The following XRCC4 variants were observed in gnomAD, a reference collection of about 807,000 sequenced individuals.
XRCC4 encodes DNA repair protein XRCC4.
In XRCC4, 28 loss-of-function variants were observed where a neutral mutation model predicts 39.1. The observed-to-expected ratio is 0.72, with a 90% CI of 0.53 to 0.98. The LOEUF (loss-of-function observed/expected upper bound fraction) is 0.98. Among genes scored for constraint, XRCC4 ranks in the 50% least tolerant of loss-of-function variants. The pLI, the probability that XRCC4 is intolerant of heterozygous loss-of-function variation, is 0.00. For synonymous variants in XRCC4, 123 were observed against 126.4 expected, an observed-to-expected ratio of 0.97 and a Z score of 0.18; for missense variants, 350 against 376.4, an observed-to-expected ratio of 0.93 and a Z score of 0.58.
At chr5:83,291,635 C>G (rs985479027) in intron 7 of XRCC4, among the ~76,000 whole-genome samples, 3 of 151,752 alleles carry the variant, frequency 2.0e-5, no homozygotes, top group Non-Finnish European at 4.4e-5. Flanking sequence ...TATGTGTGCT[C>G]TACTTCTTTA....
intron 3 of XRCC4, among the ~76,000 whole-genome samples, chr5:83,151,562 G>A (rs1748704506): frequency 6.6e-6 from 1 of 152,024 alleles, no homozygotes; most frequent in African/African-American, 2.4e-5. Flanking sequence ...TGATGGAAGT[G>A]GTTTTAGTTT....
At chr5:83,084,685 A>G (rs1745102817) in intron 1 of XRCC4, among the ~76,000 whole-genome samples, 1 of 152,064 alleles carries the variant, frequency 6.6e-6, no homozygotes, top group African/African-American at 2.4e-5. Context: ...TTTAATTATG[A>G]TTAGTTTGTT....
Position 83,120,315 on chromosome 5 carries a change from A to T in XRCC4, c.315+9112A>T, listed in dbSNP as rs550262311. Among the ~76,000 whole-genome samples the T allele has an allele frequency of 1.2e-4, 19 of 152,040 alleles. No homozygotes were observed. The South Asian group carries it at 2.9e-3, about 23-fold the overall frequency. ...ATGAATACCAAATCAGTTTTTTTTTAAATTTGTTTAGGGATAATTTACAAA... is the reference window on the plus strand; with the variant it reads ...ATGAATACCAAATCAGTTTTTTTTTTAATTTGTTTAGGGATAATTTACAAA... On this transcript the variant is annotated intron_variant, in intron 3 of 7. Transcript: ENST00000396027.
Position 83,258,680 on chromosome 5 carries a change from A to G in XRCC4, c.893+3A>G. 6.2e-7 allele frequency: 1 copy of G among 1,609,928 alleles called. No individual in the cohort carries two copies. Among genetic ancestry groups the G allele is most frequent in the East Asian group, 2.2e-5 (1 of 44,576 alleles). On this transcript the variant is annotated splice_donor_region_variant and intron_variant, in intron 7 of 7. Transcript: ENST00000396027. Reference sequence around the variant, plus strand: ...AATCAGCTTCAAGAAAAGGAAAAGTAAGTCATTTTATTCTTTGCCAAGAAG... The same window carrying G: ...AATCAGCTTCAAGAAAAGGAAAAGTGAGTCATTTTATTCTTTGCCAAGAAG...
chr5:83,228,348 T>G (rs1421597770), intron 6 of XRCC4, among the ~76,000 whole-genome samples: 1 of 151,990 alleles, frequency 6.6e-6, no homozygotes, highest in Non-Finnish European at 1.5e-5. Flanking sequence ...GCATCTAGAT[T>G]ATGAATTACT....
chr5:83,222,524 G>A lies in XRCC4; in HGVS notation c.745+17603G>A, dbSNP rs28360182. Among the ~76,000 whole-genome samples the A allele has an allele frequency of 4.5e-3, 684 of 151,988 alleles. 2 individuals carry two copies. The highest frequency in any genetic ancestry group is 0.016 in the African/African-American group (653 of 41,458). The stretch of plus-strand genomic sequence containing the variant: ...GCATTATCCCTTTTTGTTCATATGT[G>A]TTTTTATGTGGAATTCTTTTTCATC... On this transcript the variant is annotated intron_variant, in intron 6 of 7. Coordinates refer to ENST00000396027, the MANE Select transcript of XRCC4 (RefSeq NM_003401.5).
chr5:83,258,746 A>T lies in XRCC4; in HGVS notation c.893+69A>T, dbSNP rs56019903. Reference sequence around the variant, plus strand: ...GAAAATCTAGCATATGATCTTAAAAATTATGTTTTCATTTTGAACGTTTTT... The same window carrying T: ...GAAAATCTAGCATATGATCTTAAAATTTATGTTTTCATTTTGAACGTTTTT... On this transcript the variant is annotated intron_variant, in intron 7 of 7. Coordinates refer to ENST00000396027, the MANE Select transcript of XRCC4 (RefSeq NM_003401.5). 1,584 of 1,516,670 alleles carry T rather than the reference A, an allele frequency of 1.0e-3. 23 individuals carry two copies. The African/African-American group carries it at 0.02, about 20-fold the overall frequency. The allele number at this position is 1,516,670 out of a possible 1,614,324, so 94.0% of individuals were successfully genotyped here. A position where few individuals can be genotyped will look rare whatever the true frequency, so the allele number is the denominator to read the frequency against.
chr5:83,103,871 A>G (rs1746071373), intron 1 of XRCC4, among the ~76,000 whole-genome samples: 1 of 152,176 alleles, frequency 6.6e-6, no homozygotes, highest in Non-Finnish European at 1.5e-5. Context: ...CTGTTAGAAG[A>G]TAAGATAGTG....
At chr5:83,285,463 A>T (rs1409403385) in intron 7 of XRCC4, among the ~76,000 whole-genome samples, 1 of 152,144 alleles carries the variant, frequency 6.6e-6, no homozygotes, top group Non-Finnish European at 1.5e-5. Flanking sequence ...GTGGGAATGG[A>T]TAGAGAGGTA....
intron 1 of XRCC4, among the ~76,000 whole-genome samples, chr5:83,080,406 G>T (rs947723600): frequency 6.6e-5 from 10 of 151,934 alleles, no homozygotes; most frequent in African/African-American, 2.4e-4. Context: ...TGTGCCTGTA[G>T]TCCCAGCTAG....
chr5:83,207,788 C>G (rs923689964), intron 6 of XRCC4, among the ~76,000 whole-genome samples: 3 of 152,004 alleles, frequency 2.0e-5, no homozygotes, highest in African/African-American at 7.2e-5. Flanking sequence ...TTGAACACAG[C>G]TTTCTCTTTT....
chr5:83,125,162 C>A (rs1019246333), intron 3 of XRCC4, among the ~76,000 whole-genome samples: 4 of 152,050 alleles, frequency 2.6e-5, no homozygotes, highest in African/African-American at 9.7e-5. Flanking sequence ...ATCTTTTACC[C>A]CTTTTTGATT....
chr5:83,370,740 C>T, the XRCC4 span, among the ~76,000 whole-genome samples: 1 of 152,070 alleles, frequency 6.6e-6, no homozygotes, highest in Admixed American at 6.6e-5. Context: ...ATTCCAGCCC[C>T]CAATCCATCT....
At chr5:83,276,143 G>A (rs907084729) in intron 7 of XRCC4, among the ~76,000 whole-genome samples, 2 of 152,134 alleles carry the variant, frequency 1.3e-5, no homozygotes, top group Non-Finnish European at 2.9e-5. Flanking sequence ...CTGGACTAGC[G>A]ATATGTGGTA....
Position 83,211,086 on chromosome 5 carries a change from A to G in XRCC4, c.745+6165A>G, listed in dbSNP as rs768060702. Among the ~76,000 whole-genome samples, 16 of 152,228 alleles carry G rather than the reference A, an allele frequency of 1.1e-4. 1 individual carries two copies. The highest frequency in any genetic ancestry group is 6.5e-5 in the Admixed American group (1 of 15,278). On this transcript the variant is annotated intron_variant, in intron 6 of 7. Coordinates refer to ENST00000396027, the MANE Select transcript of XRCC4 (RefSeq NM_003401.5). ...CAACTATGAATCTAAAATTGACCCAAAAATAAGCAAATAAGTACTTCCAAA... is the reference window on the plus strand; with the variant it reads ...CAACTATGAATCTAAAATTGACCCAGAAATAAGCAAATAAGTACTTCCAAA...
chr5:83,081,946 G>A (rs1744961129), intron 1 of XRCC4, among the ~76,000 whole-genome samples: 1 of 152,074 alleles, frequency 6.6e-6, no homozygotes, highest in Non-Finnish European at 1.5e-5. Context: ...TGAATTGATG[G>A]CAACTTTATA....
Position 83,310,994 on chromosome 5 carries a change from T to C in XRCC4, c.894-42137T>C, listed in dbSNP as rs1172961496. ...GTGTAGCCCTGCCAACACCTTTATT[T>C]TAGCCCCATAACAGTCATTTCAGAC... On this transcript the variant is annotated intron_variant, in intron 7 of 7. Transcript: ENST00000396027. 3 of 342,032 alleles carry C rather than the reference T, an allele frequency of 8.8e-6. No individual in the cohort carries two copies. The Admixed American group carries it at 1.1e-4, about 13-fold the overall frequency. 21.2% of individuals were successfully genotyped at this position (342,032 alleles called of 1,614,324 possible).
intron 7 of XRCC4, among the ~76,000 whole-genome samples, chr5:83,328,417 A>G (rs998992320): frequency 6.6e-6 from 1 of 152,162 alleles, no homozygotes; most frequent in Non-Finnish European, 1.5e-5. Flanking sequence ...AATATTTAGC[A>G]AAGTGGCTTG....
intron 1 of XRCC4, among the ~76,000 whole-genome samples, chr5:83,078,721 C>T (rs887590571): frequency 6.6e-6 from 1 of 152,120 alleles, no homozygotes; most frequent in Non-Finnish European, 1.5e-5. Context: ...TTACTGGGTG[C>T]CTGCTTTATT....
Sources: allele counts gnomAD v4.1 joint callset (sites outside exome capture counted in the v4.1 genomes callset), GRCh38; gene constraint gnomAD v4.1.1; transcripts MANE v1.5; gene names NCBI Gene and HGNC (gene_info 2026-07-23, HGNC 2026-07-21).